ASCC3: variants seen among roughly 807,000 people sequenced by gnomAD.
ASCC3 encodes ASC-1 complex subunit P200.
A neutral mutation model predicts 256.3 loss-of-function variants in ASCC3; 158 were observed. That is an observed-to-expected ratio of 0.62 (90% CI 0.54 to 0.70). The LOEUF is 0.70. ASCC3 is among the 30% of genes least tolerant of loss of function. The pLI is 0.00. For missense variants in ASCC3, 2,259 were observed against 2,626.0 expected (o/e 0.86, Z 3.05); for synonymous variants, 948 against 883.4 (o/e 1.07, Z -1.30).
intron 5 of ASCC3, among the ~76,000 whole-genome samples, chr6:100,803,510 G>T (rs1160674695): frequency 6.6e-6 from 1 of 152,064 alleles, no homozygotes; most frequent in Non-Finnish European, 1.5e-5. Flanking sequence ...TGAGCCAATT[G>T]AACCTCCTTT....
rs561371421 is a variant in ASCC3, at chr6:100,858,508, A to AT, written c.241+5555dup. 3.4e-4 allele frequency: 301 copies of AT among 892,164 alleles called. 1 individual carries two copies. The African/African-American group carries it at 4.9e-3, about 15-fold the overall frequency. The allele number at this position is 892,164 out of a possible 1,614,324, so 55.3% of individuals were successfully genotyped here. ...CCCCTTCTATTCCTAGTTTGCTGAGATTTTTTATCATAAGTAATGTTAGAT... is the reference window on the plus strand; with the variant it reads ...CCCCTTCTATTCCTAGTTTGCTGAGATTTTTTTATCATAAGTAATGTTAGAT... On this transcript the variant is annotated intron_variant, in intron 3 of 41. Coordinates refer to ENST00000369162, the MANE Select transcript of ASCC3 (RefSeq NM_006828.4).
At chr6:100,608,518 C>T (rs1378824002) in intron 30 of ASCC3, among the ~76,000 whole-genome samples, 247 of 3,248 alleles carry the variant, frequency 0.076, 32 homozygotes, top group Non-Finnish European at 0.11. Context: ...TATATATATA[C>T]TTTATATATA....
At chr6:100,588,211 ATTAAT>A (rs1771805908) in intron 36 of ASCC3, among the ~76,000 whole-genome samples, 1 of 152,200 alleles carries the variant, frequency 6.6e-6, no homozygotes, top group Non-Finnish European at 1.5e-5. Flanking sequence ...AAATTAGTTT[ATTAAT>A]TTAAAGTTCT....
At chr6:100,805,652 A>C (rs1582890158) in intron 5 of ASCC3, 108 bp downstream of exon 5, 1 of 1,321,406 alleles carries the variant, frequency 7.6e-7, no homozygotes, top group East Asian at 2.5e-5. Context: ...AATATCAGTA[A>C]ATTATATAAC....
In ASCC3 at chr6:100,675,127, G is replaced by GTTTTT. The variant is rs1275237746; in HGVS notation, c.2286+4490_2286+4491insAAAAA. Among the ~76,000 whole-genome samples the GTTTTT allele has an allele frequency of 1.6e-3, 175 of 111,222 alleles. 5 individuals carry two copies. The East Asian group carries it at 0.042, about 26-fold the overall frequency. The allele number at this position is 111,222 out of a possible 152,430, so 73.0% of individuals were successfully genotyped here. On this transcript the variant is annotated intron_variant, in intron 14 of 41. Transcript: ENST00000369162. ...TCCCAAAAATGCAATTAAGCAAACA[G>GTTTTT]TTGTTTTTTTTTTTTTTACAATTTT...
At chr6:100,788,965 A>T (rs1236251608) in intron 8 of ASCC3, among the ~76,000 whole-genome samples, 9 of 151,964 alleles carry the variant, frequency 5.9e-5, no homozygotes, top group Admixed American at 5.3e-4. Context: ...ATATTTACAA[A>T]ATCTACTACA....
intron 16 of ASCC3, among the ~76,000 whole-genome samples, chr6:100,661,456 C>G (rs879345575): frequency 6.6e-6 from 1 of 151,432 alleles, no homozygotes; most frequent in Non-Finnish European, 1.5e-5. Flanking sequence ...TTTCATTAAA[C>G]CTTTAGTAAA....
intron 36 of ASCC3, among the ~76,000 whole-genome samples, chr6:100,562,206 A>G (rs149891770): frequency 1.3e-5 from 2 of 151,428 alleles, no homozygotes; most frequent in African/African-American, 4.9e-5. Context: ...TGTGTGAATA[A>G]TACTACTGTA....
At chr6:100,571,536 T>G (rs970065870) in intron 36 of ASCC3, among the ~76,000 whole-genome samples, 1 of 152,320 alleles carries the variant, frequency 6.6e-6, no homozygotes, top group East Asian at 1.9e-4. Flanking sequence ...ATATAATAAG[T>G]GCTCAATAAA....
intron 25 of ASCC3, among the ~76,000 whole-genome samples, chr6:100,632,172 G>GCAA (rs1774583060): frequency 9.0e-6 from 1 of 111,472 alleles, no homozygotes; most frequent in African/African-American, 3.6e-5. Context: ...TATACTGTTA[G>GCAA]CAAACTATCT....
At chr6:100,691,105 GAGGACTA>G (rs1777827102) in intron 13 of ASCC3, among the ~76,000 whole-genome samples, 1 of 151,998 alleles carries the variant, frequency 6.6e-6, no homozygotes, top group South Asian at 2.1e-4. Flanking sequence ...TAAAAAACCA[GAGGACTA>G]AGTGTACATT....
Position 100,767,063 on chromosome 6 carries a change from T to C in ASCC3, c.1596+82A>G. 2.2e-6 allele frequency: 3 copies of C among 1,383,020 alleles called. No individual in the cohort carries two copies. In the South Asian group the frequency reaches 3.6e-5, roughly 17 times the overall value. 85.7% of individuals were successfully genotyped at this position (1,383,020 alleles called of 1,614,324 possible). On this transcript the variant is annotated intron_variant, in intron 9 of 41. Coordinates refer to ENST00000369162, the MANE Select transcript of ASCC3 (RefSeq NM_006828.4). ...TCAAGTACAATATCTTTAAGAACTTTCAAATTTCATGTAATATTAAAACTG... is the reference window on the plus strand; with the variant it reads ...TCAAGTACAATATCTTTAAGAACTTCCAAATTTCATGTAATATTAAAACTG...
In ASCC3 at chr6:100,512,895, C is replaced by T; in HGVS notation, c.6099G>A (p.Leu2033=). ...CACTTATGCCAACATTTATCACTGG[C>T]AAGTGAGATAAGAAATTCCATGCCT... ...TKQAWNFLSH[L]PVINVGISVK... is the part of the protein sequence containing the mutation. Residue 2033 remains leucine, a synonymous_variant, in exon 40 of 42, where the codon TTG becomes TTA. Coordinates refer to ENST00000369162, the MANE Select transcript of ASCC3 (RefSeq NM_006828.4). 3.7e-6 allele frequency: 6 copies of T among 1,613,662 alleles called. No individual in the cohort carries two copies. The highest frequency in any genetic ancestry group is 5.1e-6 in the Non-Finnish European group (6 of 1,179,890).
At chr6:100,714,085 G>C (rs1444715048) in intron 13 of ASCC3, among the ~76,000 whole-genome samples, 5 of 152,262 alleles carry the variant, frequency 3.3e-5, no homozygotes, top group African/African-American at 9.6e-5. Flanking sequence ...GCCTATTTTT[G>C]TAAATAAAGT....
At chr6:100,593,971 C>A (rs902347312) in intron 34 of ASCC3, among the ~76,000 whole-genome samples, 10 of 151,922 alleles carry the variant, frequency 6.6e-5, no homozygotes, top group African/African-American at 2.2e-4. Context: ...TATGTGTTTA[C>A]ATATCTAAAC....
Position 100,767,305 on chromosome 6 carries a change from C to T in ASCC3, c.1436G>A (p.Arg479Lys). ...LAFKGMKRLN[R>K]IQSIVFETAY... ...AGTCTCAAACACTATTGACTGGATT[C>T]TATTGAGTCTCTTCATTCCTTTAAA... The change falls in exon 9 of 42, where the codon AGA (arginine) becomes AAA (lysine). Residue 479 changes from arginine (R) to lysine (K), a missense_variant. Physicochemically the swap from Arg to Lys is conservative, Grantham distance 26. Around this residue, in one of 2 missense-constraint regions of ASCC3, gnomAD observed 1,839 missense variants for 2,206.7 expected, o/e 0.83. Transcript: ENST00000369162. The T allele has an allele frequency of 6.2e-7, 1 of 1,612,944 alleles. No individual in the cohort carries two copies.
intron 5 of ASCC3, among the ~76,000 whole-genome samples, chr6:100,803,760 T>A (rs993377751): frequency 1.3e-5 from 2 of 152,100 alleles, no homozygotes; most frequent in Non-Finnish European, 2.9e-5. Flanking sequence ...AAACAGAAAA[T>A]CTGTCAGAAA....
intron 14 of ASCC3, among the ~76,000 whole-genome samples, chr6:100,667,710 A>C (rs1776552556): frequency 6.6e-6 from 1 of 152,126 alleles, no homozygotes; most frequent in Non-Finnish European, 1.5e-5. Context: ...TGGTGCACTG[A>C]ATATACGATA....
rs544816489 is a variant in ASCC3, at chr6:100,548,816, C to T, written c.5551-8429G>A. On this transcript the variant is annotated intron_variant, in intron 36 of 41. Coordinates refer to ENST00000369162, the MANE Select transcript of ASCC3 (RefSeq NM_006828.4). ...TAGTATACAGTAGTTCTCCCTTATC[C>T]ACAGGGGATACATTCCAAGAACCCC... Among the ~76,000 whole-genome samples, 3 of 151,882 alleles carry T rather than the reference C, an allele frequency of 2.0e-5. No homozygotes were observed. In the South Asian group the frequency reaches 6.3e-4, roughly 32 times the overall value.
Sources: allele counts gnomAD v4.1 joint callset (sites outside exome capture counted in the v4.1 genomes callset), GRCh38; gene constraint gnomAD v4.1.1; regional missense constraint gnomAD v4.1.1; transcripts MANE v1.5; gene names NCBI Gene and HGNC (gene_info 2026-07-23, HGNC 2026-07-21).